The following WBP11 variants were observed in gnomAD, a reference collection of about 807,000 sequenced individuals.
WBP11 encodes WW domain-binding protein 11.
Under a neutral mutation model 66.7 loss-of-function variants are expected in WBP11, and 12 were observed. That is an observed-to-expected ratio of 0.18 (90% CI 0.12 to 0.29). The LOEUF (loss-of-function observed/expected upper bound fraction) is 0.29, where lower values mean the gene tolerates loss of function less well. Among genes scored for constraint, WBP11 ranks in the 10% least tolerant of loss-of-function variants. The pLI is 1.00. For missense variants in WBP11, 555 were observed against 818.3 expected (o/e 0.68, Z 3.93); for synonymous variants, 255 against 273.8 (o/e 0.93, Z 0.68).
At chr12:14,797,610 C>A (rs1419539946) in intron 4 of WBP11, among the ~76,000 whole-genome samples, 1 of 152,202 alleles carries the variant, frequency 6.6e-6, no homozygotes, top group African/African-American at 2.4e-5. Flanking sequence ...GACCTCCAGG[C>A]CTGCCTGGTC....
chr12:14,796,090 CTG>C lies in WBP11; in HGVS notation c.387+715_387+716del, dbSNP rs984579546. Among the ~76,000 whole-genome samples the C allele has an allele frequency of 1.6e-4, 24 of 152,274 alleles. No individual in the cohort carries two copies. In the South Asian group the frequency reaches 1.9e-3, roughly 12 times the overall value. On this transcript the variant is annotated intron_variant, in intron 5 of 11. Transcript: ENST00000261167. The surrounding 1 kb of genome is among the most constrained non-coding windows in gnomAD (Gnocchi z 4.5). ...CATTTTTTTTTCCTGCACAGATTAT[CTG>C]TGACTATTCTAGAATTTCATAAAAA... is the stretch of plus-strand genomic sequence containing the variant.
At position 14,790,459 on chromosome 12, in the gene WBP11, G is replaced by T. The variant is rs1467037318; in HGVS notation, c.1306C>A (p.Pro436Thr). 5 of 1,613,522 alleles carry T rather than the reference G, an allele frequency of 3.1e-6. No homozygotes were observed. The highest frequency in any genetic ancestry group is 4.2e-6 in the Non-Finnish European group (5 of 1,179,688). Residue 436 changes from proline to threonine, a missense_variant, in exon 10 of 12, where the codon CCA becomes ACA. Around this residue, in one of 6 missense-constraint regions of WBP11, gnomAD observed 230 missense variants for 286.3 expected, o/e 0.80. Coordinates refer to ENST00000261167, the MANE Select transcript of WBP11 (RefSeq NM_016312.3). Reference sequence around the variant, plus strand: ...TTCACATTATGTAAGTGTTTACCTGGAGGTGGACCAGGAGGAAGGCCTGTA... The same window carrying T: ...TTCACATTATGTAAGTGTTTACCTGTAGGTGGACCAGGAGGAAGGCCTGTA... Reference protein sequence around the residue: ...PPTGLPPGPPPGAPPFLRPPG... With the variant: ...PPTGLPPGPPTGAPPFLRPPG...
intron 3 of WBP11, 147 bp downstream of exon 3, chr12:14,800,605 G>T: frequency 1.4e-6 from 1 of 711,724 alleles, no homozygotes; most frequent in Non-Finnish European, 2.3e-6. Context: ...ATAAAGTTTG[G>T]CTTAGTATAT....
At chr12:14,797,514 G>C (rs1374732157) in intron 4 of WBP11, among the ~76,000 whole-genome samples, 2 of 152,110 alleles carry the variant, frequency 1.3e-5, no homozygotes, top group Non-Finnish European at 2.9e-5. Context: ...CGTATTCCTG[G>C]CCTAGCTACT....
At chr12:14,802,483 A>G (rs1949977233) in intron 1 of WBP11, among the ~76,000 whole-genome samples, 1 of 152,216 alleles carries the variant, frequency 6.6e-6, no homozygotes, top group Non-Finnish European at 1.5e-5. Flanking sequence ...AGACAGCGGT[A>G]TCAAAGGCTC....
At chr12:14,802,326 G>C (rs1244763722) in intron 1 of WBP11, among the ~76,000 whole-genome samples, 1 of 152,100 alleles carries the variant, frequency 6.6e-6, no homozygotes, top group African/African-American at 2.4e-5. Flanking sequence ...TTTGCAAGTA[G>C]ACACTTTTTA....
intron 1 of WBP11, among the ~76,000 whole-genome samples, chr12:14,802,555 T>C (rs959198156): frequency 2.0e-5 from 3 of 152,194 alleles, no homozygotes; most frequent in African/African-American, 7.2e-5. Flanking sequence ...AAAGCTCTGA[T>C]GATACAATGA....
intron 7 of WBP11, 34 bp downstream of exon 7, chr12:14,794,503 T>C (rs374645012): frequency 1.2e-6 from 2 of 1,609,696 alleles, no homozygotes; most frequent in African/African-American, 1.3e-5. Context: ...TAAAAAATGA[T>C]AGTTATAAAA....
At chr12:14,800,921 C>G (rs764279921) in intron 2 of WBP11, 138 bp from the exon 3 acceptor site, 15 of 636,460 alleles carry the variant, frequency 2.4e-5, no homozygotes, top group Non-Finnish European at 3.7e-5. Context: ...TGGATTCTCT[C>G]CACTACATGC....
At chr12:14,797,306 T>G (rs1045870074) in intron 4 of WBP11, among the ~76,000 whole-genome samples, 1 of 152,226 alleles carries the variant, frequency 6.6e-6, no homozygotes, top group African/African-American at 2.4e-5. Context: ...GTCAGATTTG[T>G]GTTTACCTAC....
In WBP11 at chr12:14,798,621, A is replaced by G. The variant is rs554404328; in HGVS notation, c.190+1014T>C. ...CTGACCCAGAACTCTTAGCCAGGCT[A>G]GCTGCACAGATTCTCCCACATTATT... is the stretch of plus-strand genomic sequence containing the variant. On this transcript the variant is annotated intron_variant, in intron 4 of 11. Transcript: ENST00000261167. 3.3e-5 allele frequency among the ~76,000 whole-genome samples: 5 copies of G among 152,310 alleles called. 1 individual carries two copies. The highest frequency in any genetic ancestry group is 1.2e-4 in the African/African-American group (5 of 41,566).
intron 4 of WBP11, 30 bp downstream of exon 4, chr12:14,799,605 T>G (rs377135123): frequency 1.1e-4 from 178 of 1,604,710 alleles, no homozygotes; most frequent in Non-Finnish European, 1.5e-4. Flanking sequence ...CGTGTCAGAC[T>G]GTTATAGCTG....
At chr12:14,794,915 G>A in intron 6 of WBP11, 56 bp downstream of exon 6, 1 of 1,611,562 alleles carries the variant, frequency 6.2e-7, no homozygotes, top group Non-Finnish European at 8.5e-7. Context: ...TTTGGCACTG[G>A]ACAGTCAACT....
At chr12:14,795,879 C>T (rs925617417) in intron 5 of WBP11, among the ~76,000 whole-genome samples, 5 of 152,116 alleles carry the variant, frequency 3.3e-5, no homozygotes, top group Non-Finnish European at 5.9e-5. Context: ...GTAACCTGTG[C>T]CTTCATCTGT....
In WBP11 at chr12:14,793,714, C is replaced by G; in HGVS notation, c.913+17G>C. The G allele has an allele frequency of 3.1e-6, 5 of 1,610,858 alleles. No individual in the cohort carries two copies. The highest frequency in any genetic ancestry group is 4.2e-6 in the Non-Finnish European group (5 of 1,178,250). On this transcript the variant is annotated intron_variant, in intron 8 of 11. Transcript: ENST00000261167. ...CTCTTTATTGATCAATACCATGAAT[C>G]CTTCATCTGCACATACCTGACTTCT...
chr12:14,792,169 A>G (rs1949828555), intron 8 of WBP11, among the ~76,000 whole-genome samples: 1 of 152,172 alleles, frequency 6.6e-6, no homozygotes, highest in African/African-American at 2.4e-5. Flanking sequence ...AAATACAAGC[A>G]AGTTGAATCC....
At position 14,791,848 on chromosome 12, in the gene WBP11, G is replaced by A. The variant is rs371079926; in HGVS notation, c.914-578C>T. Among the ~76,000 whole-genome samples, 8 of 152,332 alleles carry A rather than the reference G, an allele frequency of 5.3e-5. No individual in the cohort carries two copies. In the East Asian group the frequency reaches 1.2e-3, roughly 22 times the overall value. On this transcript the variant is annotated intron_variant, in intron 8 of 11. Transcript: ENST00000261167. ...TAATGGCCTTTACAGCAACTTGGAT[G>A]AAGTTGGAGGCAATTAAGTGAAGTA...
intron 5 of WBP11, 55 bp from the exon 6 acceptor site, chr12:14,795,159 A>T (rs1462345386): frequency 6.8e-7 from 1 of 1,473,704 alleles, no homozygotes; most frequent in African/African-American, 1.4e-5. Flanking sequence ...CTAACTAAAC[A>T]CTAAAAATGA....
chr12:14,793,618 G>A (rs1431603195), intron 8 of WBP11, 113 bp downstream of exon 8: 111 of 1,286,872 alleles, frequency 8.6e-5, no homozygotes, highest in Non-Finnish European at 1.1e-4. Flanking sequence ...ACACAGCTAT[G>A]ATCCCGACTT....
Sources: gnomAD v4.1 joint callset for allele counts (sites outside exome capture counted in the v4.1 genomes callset) on GRCh38, gnomAD v4.1.1 for gene constraint, gnomAD v4.1.1 regional missense constraint, Gnocchi (gnomAD v3.1) non-coding constraint, MANE v1.5 for transcripts, NCBI Gene and HGNC (gene_info 2026-07-23, HGNC 2026-07-21) for gene names.